Variants in KDM5A observed in about 807,000 individuals in gnomAD.
KDM5A encodes lysine-specific demethylase 5A.
In KDM5A, 42 loss-of-function variants were observed where a neutral mutation model predicts 193.5. That is an observed-to-expected ratio of 0.22 (90% confidence interval 0.17 to 0.28). The LOEUF is 0.28. Ranked by LOEUF, KDM5A falls within the 10% of genes least tolerant of loss-of-function variation. The pLI is 1.00. For synonymous variants in KDM5A, 796 were observed against 718.1 expected (o/e 1.11, Z -1.73); for missense variants, 1,692 against 2,055.1 (o/e 0.82, Z 3.42).
chr12:289,324 T>C (rs2137359701), intron 27 of KDM5A, among the ~76,000 whole-genome samples: 1 of 152,260 alleles, frequency 6.6e-6, no homozygotes, highest in South Asian at 2.1e-4. Context: ...TAAGACTGAA[T>C]AAAGAGTTCA....
intron 3 of KDM5A, 78 bp from the exon 4 acceptor site, chr12:366,182 A>G (rs1944354999): frequency 7.8e-7 from 1 of 1,280,930 alleles, no homozygotes; most frequent in Non-Finnish European, 1.1e-6. Flanking sequence ...TCTACTAAAT[A>G]GAAAAATTAT....
chr12:349,650 T>C (rs2137447226), intron 10 of KDM5A, among the ~76,000 whole-genome samples: 1 of 151,374 alleles, frequency 6.6e-6, no homozygotes, highest in African/African-American at 2.4e-5. Context: ...CAGAAAGAAC[T>C]AGGCAAAAAT....
intron 2 of KDM5A, 46 bp from the exon 3 acceptor site, chr12:384,199 A>G (rs750296251): frequency 1.7e-5 from 24 of 1,450,592 alleles, no homozygotes; most frequent in Non-Finnish European, 2.1e-5. Context: ...ATTGAAATGA[A>G]TAAGAATAAC....
At chr12:314,283 C>T (rs1213918496) in intron 19 of KDM5A, among the ~76,000 whole-genome samples, 2 of 152,112 alleles carry the variant, frequency 1.3e-5, no homozygotes, top group Middle Eastern at 3.2e-3. Context: ...GCAACCGCTG[C>T]CTCCTAGGTT....
intron 5 of KDM5A, among the ~76,000 whole-genome samples, chr12:361,587 A>G (rs1944295708): frequency 6.6e-6 from 1 of 152,170 alleles, no homozygotes; most frequent in Admixed American, 6.5e-5. Flanking sequence ...TTTCATCACA[A>G]GCTGGTGATT....
intron 3 of KDM5A, among the ~76,000 whole-genome samples, chr12:370,385 T>A (rs1944411730): frequency 6.6e-6 from 1 of 152,298 alleles, no homozygotes; most frequent in Admixed American, 6.5e-5. Context: ...ACAGCGAGAC[T>A]CTGTCTCAAA....
At chr12:290,988 T>C (rs1943286204) in intron 27 of KDM5A, among the ~76,000 whole-genome samples, 1 of 152,184 alleles carries the variant, frequency 6.6e-6, no homozygotes, top group South Asian at 2.1e-4. Flanking sequence ...CTGCCAATAA[T>C]GAACTGCTAC....
At chr12:344,248 A>G (rs1243294835) in intron 10 of KDM5A, among the ~76,000 whole-genome samples, 1 of 152,266 alleles carries the variant, frequency 6.6e-6, no homozygotes, top group Non-Finnish European at 1.5e-5. Flanking sequence ...CAAAGCCTCC[A>G]ATAAATATGG....
chr12:314,816 T>C (rs1177706282), intron 19 of KDM5A, among the ~76,000 whole-genome samples: 2 of 152,000 alleles, frequency 1.3e-5, no homozygotes, highest in Non-Finnish European at 2.9e-5. Flanking sequence ...ACACAGATGT[T>C]TGAGGAACTG....
intron 27 of KDM5A, among the ~76,000 whole-genome samples, chr12:288,100 A>G (rs1943243331): frequency 6.6e-6 from 1 of 152,180 alleles, no homozygotes; most frequent in African/African-American, 2.4e-5. Context: ...CTTTACCAAT[A>G]TCTTTTTTAT....
intron 13 of KDM5A, among the ~76,000 whole-genome samples, chr12:329,588 A>G (rs756196784): frequency 2.0e-5 from 3 of 152,132 alleles, no homozygotes; most frequent in Non-Finnish European, 4.4e-5. Flanking sequence ...ACAAAGGACA[A>G]TTTAGATTTT....
rs757816031 is a variant in KDM5A, at chr12:284,221, T to A, written c.*1235A>T. The A allele has an allele frequency of 3.6e-5, 8 of 222,686 alleles. No homozygotes were observed. Among genetic ancestry groups the A allele is most frequent in the Admixed American group, 2.9e-4 (5 of 17,350 alleles). The allele number at this position is 222,686 out of a possible 1,614,324, so 13.8% of individuals were successfully genotyped here. On this transcript the variant is annotated 3_prime_UTR_variant, in exon 28 of 28. Transcript: ENST00000399788. ...CATATGCTGCTGGTAACAGTAAATA[T>A]ATATATTTATATATTCATATATGTA...
intron 19 of KDM5A, among the ~76,000 whole-genome samples, chr12:314,321 G>C (rs905331672): frequency 6.6e-6 from 1 of 152,074 alleles, no homozygotes; most frequent in East Asian, 1.9e-4. Context: ...TCAGTCTCCC[G>C]AGTAGCTGGG....
chr12:292,742 A>T lies in KDM5A; in HGVS notation c.4866+17T>A. On this transcript the variant is annotated intron_variant, in intron 27 of 27. Transcript: ENST00000399788. ...TCCTTGACCTCTCATGCTTGACTAT[A>T]AACAGTTGGAACTCACCTTGTCCTT... is the stretch of plus-strand genomic sequence containing the variant. The T allele has an allele frequency of 6.2e-7, 1 of 1,614,160 alleles. No individual in the cohort carries two copies. The highest frequency in any genetic ancestry group is 1.1e-5 in the South Asian group (1 of 91,082).
chr12:284,237 C>A lies in KDM5A; in HGVS notation c.*1219G>T. 4.6e-6 allele frequency: 1 copy of A among 219,352 alleles called. No homozygotes were observed. The highest frequency in any genetic ancestry group is 9.1e-6 in the Non-Finnish European group (1 of 110,076). The allele number at this position is 219,352 out of a possible 1,614,324, so 13.6% of individuals were successfully genotyped here. On this transcript the variant is annotated 3_prime_UTR_variant, in exon 28 of 28. Transcript: ENST00000399788. ...CAGTAAATATATATATTTATATATTCATATATGTATATTAAAAAAGGAAAA... is the reference window on the plus strand; with the variant it reads ...CAGTAAATATATATATTTATATATTAATATATGTATATTAAAAAAGGAAAA...
chr12:316,830 A>T (rs527413560), intron 19 of KDM5A, among the ~76,000 whole-genome samples: 5 of 152,226 alleles, frequency 3.3e-5, no homozygotes, highest in African/African-American at 4.8e-5. Flanking sequence ...TGTGCTAATT[A>T]AATCACCTAA....
At position 282,963 on chromosome 12, in the gene KDM5A, T is replaced by G. The variant is rs1290263361; in HGVS notation, c.*2493A>C. 1 of 231,744 alleles carries G rather than the reference T, an allele frequency of 4.3e-6. No homozygotes were observed. Among genetic ancestry groups the G allele is most frequent in the African/African-American group, 2.2e-5 (1 of 45,280 alleles). 14.4% of individuals were successfully genotyped at this position (231,744 alleles called of 1,614,324 possible). ...TCTCAGCCTTGGTCTAAACCTGTGG[T>G]CAAGTCATACCAAATCCTCCATGAC... On this transcript the variant is annotated 3_prime_UTR_variant, in exon 28 of 28. Transcript: ENST00000399788.
intron 14 of KDM5A, among the ~76,000 whole-genome samples, chr12:326,393 C>T (rs143137641): frequency 3.3e-5 from 5 of 152,254 alleles, no homozygotes; most frequent in Non-Finnish European, 7.4e-5. Flanking sequence ...AATAAACAGT[C>T]AAAGGCTGAA....
At chr12:357,657 G>C (rs1283905779) in intron 5 of KDM5A, among the ~76,000 whole-genome samples, 1 of 150,556 alleles carries the variant, frequency 6.6e-6, no homozygotes, top group African/African-American at 2.4e-5. Flanking sequence ...GTGAAACCCC[G>C]TCTCTACTAA....
Sources: gnomAD v4.1 joint callset for allele counts (sites outside exome capture counted in the v4.1 genomes callset) on GRCh38, gnomAD v4.1.1 for gene constraint, MANE v1.5 for transcripts, NCBI Gene and HGNC (gene_info 2026-07-23, HGNC 2026-07-21) for gene names.